CENPK: variants seen among roughly 807,000 people sequenced by gnomAD.
The protein encoded by CENPK is SoxLZ/Sox6-binding protein Solt.
CENPK carries 46 observed loss-of-function variants against 40.9 expected under a neutral mutation model. That is an observed-to-expected ratio of 1.13 (90% confidence interval 0.89 to 1.44). The LOEUF is 1.44. Ranked by LOEUF, CENPK falls within the 40% of genes most tolerant of loss-of-function variation. CENPK has a pLI of 0.00. For missense variants in CENPK, 288 were observed against 303.5 expected (o/e 0.95, Z 0.38); for synonymous variants, 107 against 104.4 (o/e 1.02, Z -0.15).
At chr5:65,509,566 T>C in the CENPK span, among the ~76,000 whole-genome samples, 2 of 152,222 alleles carry the variant, frequency 1.3e-5, no homozygotes, top group Admixed American at 1.3e-4. Flanking sequence ...TTCCTTCCAA[T>C]TTTTGGCAAT....
At chr5:65,543,654 T>C (rs1345192585) in intron 5 of CENPK, among the ~76,000 whole-genome samples, 1 of 152,214 alleles carries the variant, frequency 6.6e-6, no homozygotes, top group Non-Finnish European at 1.5e-5. Flanking sequence ...ACTGAGTGAT[T>C]GCCCTCTTGA....
intron 3 of CENPK, among the ~76,000 whole-genome samples, chr5:65,553,315 T>C (rs546025377): frequency 4.6e-5 from 7 of 151,878 alleles, no homozygotes; most frequent in African/African-American, 1.7e-4. Flanking sequence ...AGAAGAATTA[T>C]CTTGGGCCAC....
Position 65,542,812 on chromosome 5 carries a change from C to T in CENPK, c.278G>A (p.Gly93Glu). ...CATTGAGTGGCTTACCTCTTCTTTT[C>T]CTAATGTTATGAGAACGTCTTCAGT... The part of the protein sequence containing the change: ...PLTEDVLITL[G>E]KEEFQKLRQD... Residue 93 changes from glycine to glutamate, a missense_variant, in exon 6 of 11, where the codon GGA (glycine) becomes GAA (glutamate). Gly to Glu is a moderately conservative substitution (Grantham distance 98). Coordinates refer to ENST00000396679, the MANE Select transcript of CENPK (RefSeq NM_022145.5). The T allele has an allele frequency of 6.2e-7, 1 of 1,608,936 alleles. No homozygotes were observed. The highest frequency in any genetic ancestry group is 8.5e-7 in the Non-Finnish European group (1 of 1,177,806).
intron 6 of CENPK, among the ~76,000 whole-genome samples, chr5:65,538,631 TA>T (rs1486536295): frequency 6.6e-6 from 1 of 152,138 alleles, no homozygotes; most frequent in Non-Finnish European, 1.5e-5. Flanking sequence ...ATAAATAAAA[TA>T]AAAAACTAGG....
chr5:65,514,572 G>A (rs1378034099), downstream of CENPK, among the ~76,000 whole-genome samples: 1 of 152,008 alleles, frequency 6.6e-6, no homozygotes, highest in Non-Finnish European at 1.5e-5. Flanking sequence ...GCCTCACAGA[G>A]TGTGTTAAAG....
At chr5:65,528,151 G>C (rs952445868) in intron 9 of CENPK, among the ~76,000 whole-genome samples, 1 of 152,140 alleles carries the variant, frequency 6.6e-6, no homozygotes, top group African/African-American at 2.4e-5. Context: ...TAAGGCACAA[G>C]AATCACTTGA....
At chr5:65,524,071 A>C (rs142806706) in intron 9 of CENPK, among the ~76,000 whole-genome samples, 1 of 152,164 alleles carries the variant, frequency 6.6e-6, no homozygotes, top group Non-Finnish European at 1.5e-5. Context: ...GAAGGATTAA[A>C]CTTAACAACT....
chr5:65,558,609 T>C (rs1323470007), intron 2 of CENPK, among the ~76,000 whole-genome samples: 1 of 152,064 alleles, frequency 6.6e-6, no homozygotes, highest in Non-Finnish European at 1.5e-5. Flanking sequence ...TATAAAAAAA[T>C]GGGAGAGGAT....
chr5:65,523,511 A>G (rs1236255257), intron 9 of CENPK, among the ~76,000 whole-genome samples: 1 of 152,186 alleles, frequency 6.6e-6, no homozygotes, highest in Non-Finnish European at 1.5e-5. Context: ...TCCTAAATCA[A>G]GAGAGCCGAG....
chr5:65,541,134 G>C (rs1195274264), intron 6 of CENPK, among the ~76,000 whole-genome samples: 1 of 152,028 alleles, frequency 6.6e-6, no homozygotes, highest in Non-Finnish European at 1.5e-5. Flanking sequence ...TGTATCCTTT[G>C]TAATATCTCT....
chr5:65,545,076 G>A (rs546276065), intron 5 of CENPK, among the ~76,000 whole-genome samples: 1 of 151,890 alleles, frequency 6.6e-6, no homozygotes, highest in Non-Finnish European at 1.5e-5. Context: ...GAGGGACTTG[G>A]GTAACCGTAA....
intron 6 of CENPK, chr5:65,541,540 T>A (rs1039750424): frequency 1.7e-4 from 73 of 436,580 alleles, no homozygotes; most frequent in South Asian, 1.1e-3. Flanking sequence ...ACACTTTGTT[T>A]TTTTCCTCTC....
chr5:65,545,539 G>T (rs1276179856), intron 5 of CENPK, among the ~76,000 whole-genome samples: 1 of 152,092 alleles, frequency 6.6e-6, no homozygotes, highest in African/African-American at 2.4e-5. Flanking sequence ...GAGAAATCAA[G>T]AAATTCTCAG....
chr5:65,511,528 T>A, the CENPK span, among the ~76,000 whole-genome samples: 1 of 152,128 alleles, frequency 6.6e-6, no homozygotes, highest in Admixed American at 6.5e-5. Context: ...ATTCCAGCAA[T>A]CCTAGGGCCC....
chr5:65,526,371 T>G (rs1744706015), intron 9 of CENPK, among the ~76,000 whole-genome samples: 1 of 152,120 alleles, frequency 6.6e-6, no homozygotes, highest in South Asian at 2.1e-4. Flanking sequence ...AAAACAATAA[T>G]AGAATGGAAG....
chr5:65,561,122 C>T (rs925704539), intron 2 of CENPK: 1 of 156,634 alleles, frequency 6.4e-6, no homozygotes, highest in African/African-American at 2.4e-5. Context: ...CTGTAGCTAG[C>T]ATATAAAGAG....
chr5:65,506,391 G>A, the CENPK span, among the ~76,000 whole-genome samples: 4 of 151,510 alleles, frequency 2.6e-5, no homozygotes, highest in East Asian at 5.9e-4. Context: ...GCTCACTCCT[G>A]CAATCCCAGC....
chr5:65,502,815 T>A, the CENPK span, among the ~76,000 whole-genome samples: 1 of 151,728 alleles, frequency 6.6e-6, no homozygotes, highest in African/African-American at 2.4e-5. Flanking sequence ...TTTATTTATT[T>A]ATTATTTTTT....
At chr5:65,542,904 C>A in intron 5 of CENPK, 56 bp from the exon 6 acceptor site, 1 of 1,483,968 alleles carries the variant, frequency 6.7e-7, no homozygotes, top group Non-Finnish European at 9.2e-7. Flanking sequence ...TCTCAAAAAT[C>A]AAGAATTTAA....
Sources: gnomAD v4.1 joint callset for allele counts (sites outside exome capture counted in the v4.1 genomes callset) on GRCh38, gnomAD v4.1.1 for gene constraint, MANE v1.5 for transcripts, NCBI Gene and HGNC (gene_info 2026-07-23, HGNC 2026-07-21) for gene names.